AKAP13: variants seen among roughly 807,000 people sequenced by gnomAD.
The protein encoded by AKAP13 is A-kinase anchor protein 13.
A neutral mutation model predicts 264.5 loss-of-function variants in AKAP13; 80 were observed. The observed-to-expected ratio is 0.30, with a 90% CI of 0.25 to 0.36. The LOEUF (loss-of-function observed/expected upper bound fraction) is 0.36, where lower values mean the gene tolerates loss of function less well. Ranked by LOEUF, AKAP13 falls within the 10% of genes least tolerant of loss-of-function variation. The pLI is 1.00. For missense variants in AKAP13, 3,712 were observed against 3,435.2 expected, an observed-to-expected ratio of 1.08 and a Z score of -2.01; for synonymous variants, 1,380 against 1,250.2, an observed-to-expected ratio of 1.10 and a Z score of -2.19.
chr15:85,644,188 C>T (rs537618309), intron 9 of AKAP13, among the ~76,000 whole-genome samples: 2 of 151,520 alleles, frequency 1.3e-5, no homozygotes, highest in East Asian at 3.9e-4. Context: ...GTCCAAATAA[C>T]ACATTAACTT....
At chr15:85,440,863 G>A (rs2150954167) in intron 1 of AKAP13, among the ~76,000 whole-genome samples, 1 of 152,300 alleles carries the variant, frequency 6.6e-6, no homozygotes, top group South Asian at 2.1e-4. Flanking sequence ...GCTTAGTGTG[G>A]TGGAAATTTT....
At chr15:85,432,950 A>AG (rs765854652) in intron 1 of AKAP13, among the ~76,000 whole-genome samples, 5 of 151,690 alleles carry the variant, frequency 3.3e-5, no homozygotes, top group Non-Finnish European at 7.4e-5. Flanking sequence ...AAATATAGAA[A>AG]GAAAAAAAAA....
Position 85,747,546 on chromosome 15 carries a change from G to C in AKAP13, c.*2869G>C, listed in dbSNP as rs570271619. The C allele has an allele frequency of 6.6e-6, 1 of 152,638 alleles. No individual in the cohort carries two copies. Among genetic ancestry groups the C allele is most frequent in the African/African-American group, 2.4e-5 (1 of 41,446 alleles). 9.5% of individuals were successfully genotyped at this position (152,638 alleles called of 1,614,324 possible). The stretch of plus-strand genomic sequence containing the variant: ...CCAGAGCCCCCAGATTTCCAGAATC[G>C]AGTGAGCTTCCTGGAAGGAGACTGC... On this transcript the variant is annotated 3_prime_UTR_variant, in exon 37 of 37. Coordinates refer to ENST00000394518, the MANE Select transcript of AKAP13 (RefSeq NM_007200.5).
chr15:85,638,397 GT>G (rs2082159192), intron 8 of AKAP13, among the ~76,000 whole-genome samples: 1 of 152,058 alleles, frequency 6.6e-6, no homozygotes. Context: ...TTTGAGGTTT[GT>G]TTTATGTGAT....
At chr15:85,483,779 C>T (rs1279701311) in intron 1 of AKAP13, among the ~76,000 whole-genome samples, 2 of 152,100 alleles carry the variant, frequency 1.3e-5, no homozygotes, top group Non-Finnish European at 2.9e-5. Context: ...CCACTGCGCT[C>T]TAGCCTGGGC....
rs531207561 is a variant in AKAP13 at position 85,708,901 on chromosome 15, C to T, written c.5532+815C>T. Among the ~76,000 whole-genome samples the T allele has an allele frequency of 6.6e-6, 1 of 152,270 alleles. No homozygotes were observed. Among genetic ancestry groups the T allele is most frequent in the East Asian group, 1.9e-4 (1 of 5,184 alleles). ...GCTTATTGAAAGACAACTTACTGAG[C>T]CCCACTCCCAGAGTCTCAGATTCTG... On this transcript the variant is annotated intron_variant, in intron 18 of 36. Coordinates refer to ENST00000394518, the MANE Select transcript of AKAP13 (RefSeq NM_007200.5). The surrounding 1 kb of genome is among the most constrained non-coding windows in gnomAD (Gnocchi z 4.3).
intron 8 of AKAP13, among the ~76,000 whole-genome samples, chr15:85,604,877 T>C (rs2080251735): frequency 1.3e-5 from 2 of 152,192 alleles, no homozygotes; most frequent in African/African-American, 2.4e-5. Context: ...TTTGGGAAGT[T>C]CTTCTTAACA....
intron 2 of AKAP13, among the ~76,000 whole-genome samples, chr15:85,519,846 T>C (rs1032699872): frequency 1.1e-4 from 17 of 152,068 alleles, no homozygotes; most frequent in Non-Finnish European, 1.6e-4. Context: ...TCAGTTATGC[T>C]GCTGGGCTTA....
At position 85,530,692 on chromosome 15, in the gene AKAP13, C is replaced by T. The variant is rs553335985; in HGVS notation, c.182-2892C>T. On this transcript the variant is annotated intron_variant, in intron 3 of 36. Coordinates refer to ENST00000394518, the MANE Select transcript of AKAP13 (RefSeq NM_007200.5). ...TTAATTTTGGATAAATGGGACAATGCTATATATTGATTCTGTTGACGAACC... is the reference window on the plus strand; with the variant it reads ...TTAATTTTGGATAAATGGGACAATGTTATATATTGATTCTGTTGACGAACC... Among the ~76,000 whole-genome samples, 5 of 152,244 alleles carry T rather than the reference C, an allele frequency of 3.3e-5. No homozygotes were observed. The South Asian group carries it at 1.0e-3, about 32-fold the overall frequency.
intron 36 of AKAP13, 101 bp from the exon 37 acceptor site, chr15:85,744,527 G>C (rs2089307900): frequency 4.7e-6 from 6 of 1,282,854 alleles, no homozygotes; most frequent in Non-Finnish European, 6.8e-6. Flanking sequence ...ATAAGCCCCA[G>C]TCGCCTGTTT....
Position 85,655,674 on chromosome 15 carries a change from G to A in AKAP13, c.4632G>A (p.Val1544=), listed in dbSNP as rs770243017. ...EEEEMDSITE[V]PANCSVLRSS... ...AGGAGATGGACAGTATCACTGAAGT[G>A]CCTGCAAACTGCTCTGTCCTAAGGA... The change falls in exon 11 of 37, where the codon GTG becomes GTA. Residue 1544 remains valine (V), a synonymous_variant. Coordinates refer to ENST00000394518, the MANE Select transcript of AKAP13 (RefSeq NM_007200.5). 1.2e-6 allele frequency: 2 copies of A among 1,614,196 alleles called. No homozygotes were observed. The highest frequency in any genetic ancestry group is 1.7e-6 in the Non-Finnish European group (2 of 1,180,032).
rs745822098 is a variant in AKAP13, at chr15:85,719,068, C to T, written c.6002-8C>T. ...GTTCCTGACACTTGATCTTTTTCCT[C>T]CTTTTAGAGTTGATGCAGACAGAGT... On this transcript the variant is annotated splice_polypyrimidine_tract_variant and splice_region_variant and intron_variant, in intron 22 of 36. Transcript: ENST00000394518. The T allele has an allele frequency of 1.2e-6, 2 of 1,613,020 alleles. No homozygotes were observed. Among genetic ancestry groups the T allele is most frequent in the Non-Finnish European group, 1.7e-6 (2 of 1,179,674 alleles).
At chr15:85,688,296 T>C (rs1224064114) in intron 16 of AKAP13, among the ~76,000 whole-genome samples, 1 of 152,218 alleles carries the variant, frequency 6.6e-6, no homozygotes, top group Non-Finnish European at 1.5e-5. Context: ...ACTATGGATA[T>C]TGACACTGAT....
chr15:85,531,116 C>T (rs1044407869), intron 3 of AKAP13, among the ~76,000 whole-genome samples: 4 of 152,192 alleles, frequency 2.6e-5, no homozygotes, highest in African/African-American at 7.2e-5. Flanking sequence ...CTGCCTCGGC[C>T]TCCCAAAGTG....
At chr15:85,612,971 T>A (rs2080728640) in intron 8 of AKAP13, among the ~76,000 whole-genome samples, 1 of 152,262 alleles carries the variant, frequency 6.6e-6, no homozygotes, top group East Asian at 1.9e-4. Context: ...GTAAGATTTC[T>A]ACATGTGAGA....
chr15:85,550,105 C>T (rs961692908), intron 5 of AKAP13, among the ~76,000 whole-genome samples: 1 of 152,060 alleles, frequency 6.6e-6, no homozygotes, highest in South Asian at 2.1e-4. Context: ...TTAGTAGAGA[C>T]GGGGTTTCAC....
intron 8 of AKAP13, among the ~76,000 whole-genome samples, chr15:85,600,230 A>T (rs1421244720): frequency 6.6e-6 from 1 of 151,382 alleles, no homozygotes; most frequent in African/African-American, 2.4e-5. Context: ...AAGGCCCAAG[A>T]TGTTTAATTC....
At chr15:85,540,537 A>G (rs1321002788) in intron 4 of AKAP13, among the ~76,000 whole-genome samples, 1 of 152,226 alleles carries the variant, frequency 6.6e-6, no homozygotes, top group Non-Finnish European at 1.5e-5. Context: ...AGGAAAGGCC[A>G]TTAGTGATCT....
At chr15:85,476,221 A>C (rs143608896) in intron 1 of AKAP13, among the ~76,000 whole-genome samples, 1 of 152,240 alleles carries the variant, frequency 6.6e-6, no homozygotes, top group East Asian at 1.9e-4. Context: ...GTGCTCAGTA[A>C]GGCTTTATAG....
Sources: gnomAD v4.1 joint callset for allele counts (sites outside exome capture counted in the v4.1 genomes callset) on GRCh38, gnomAD v4.1.1 for gene constraint, Gnocchi (gnomAD v3.1) non-coding constraint, MANE v1.5 for transcripts, NCBI Gene and HGNC (gene_info 2026-07-23, HGNC 2026-07-21) for gene names.